The following FER variants were observed in gnomAD, a reference collection of about 807,000 sequenced individuals.
The protein encoded by FER is tyrosine-protein kinase Fer.
In FER, 63 loss-of-function variants were observed where a neutral mutation model predicts 111.0. That is an observed-to-expected ratio of 0.57 (90% CI 0.46 to 0.70). FER has a LOEUF of 0.70. FER is among the 30% of genes least tolerant of loss of function. The pLI is 0.00. For missense variants in FER, 914 were observed against 954.0 expected, an observed-to-expected ratio of 0.96 and a Z score of 0.55; for synonymous variants, 327 against 313.9, an observed-to-expected ratio of 1.04 and a Z score of -0.44.
intron 16 of FER, among the ~76,000 whole-genome samples, chr5:109,099,318 T>C (rs1747920585): frequency 6.6e-6 from 1 of 151,576 alleles, no homozygotes; most frequent in African/African-American, 2.4e-5. Flanking sequence ...GCTCTTAAAA[T>C]GTGGCTAGTG....
At chr5:109,175,372 T>A (rs1013256418) in intron 17 of FER, among the ~76,000 whole-genome samples, 2 of 152,138 alleles carry the variant, frequency 1.3e-5, no homozygotes, top group South Asian at 2.1e-4. Flanking sequence ...AAACTAAAGC[T>A]AAGAGTAAGT....
At chr5:108,921,390 C>T (rs907257313) in intron 10 of FER, among the ~76,000 whole-genome samples, 1 of 152,056 alleles carries the variant, frequency 6.6e-6, no homozygotes, top group Non-Finnish European at 1.5e-5. Context: ...ATAATCCCTG[C>T]TTGTTCCTTA....
intron 17 of FER, among the ~76,000 whole-genome samples, chr5:109,103,223 C>A (rs1748467972): frequency 6.6e-6 from 1 of 152,052 alleles, no homozygotes; most frequent in Non-Finnish European, 1.5e-5. Context: ...CCAGCAAATT[C>A]TAGCAAAAAT....
At chr5:109,094,924 A>G (rs564198838) in intron 16 of FER, among the ~76,000 whole-genome samples, 1 of 152,280 alleles carries the variant, frequency 6.6e-6, no homozygotes, top group South Asian at 2.1e-4. Flanking sequence ...AAAGTTGACT[A>G]TGGCATCTCT....
chr5:108,891,528 T>A (rs1748049458), intron 9 of FER: 1 of 151,980 alleles, frequency 6.6e-6, no homozygotes, highest in Non-Finnish European at 1.5e-5. Flanking sequence ...TTCTCACTAC[T>A]GCACTTGACT....
intron 13 of FER, among the ~76,000 whole-genome samples, chr5:109,010,303 G>A (rs184939391): frequency 0.031 from 4,717 of 151,952 alleles, 100 homozygotes; most frequent in Non-Finnish European, 0.041. Context: ...GACTACAGGC[G>A]CCCGCCACCA....
chr5:108,957,084 C>T (rs1468001920), intron 12 of FER, among the ~76,000 whole-genome samples: 2 of 151,502 alleles, frequency 1.3e-5, no homozygotes, highest in Admixed American at 1.3e-4. Context: ...GGCTTTCAGT[C>T]CTAGCTCTGT....
chr5:108,884,811 A>G (rs1746852623), intron 9 of FER, among the ~76,000 whole-genome samples: 1 of 151,976 alleles, frequency 6.6e-6, no homozygotes, highest in African/African-American at 2.4e-5. Flanking sequence ...TTAGTTTTCA[A>G]AGTCTGGCTT....
chr5:108,853,993 A>G (rs1056195727), intron 5 of FER, among the ~76,000 whole-genome samples: 29 of 152,184 alleles, frequency 1.9e-4, no homozygotes, highest in Non-Finnish European at 3.7e-4. Flanking sequence ...CCTGGTTGGT[A>G]GCAAAAGAAG....
Position 108,884,302 on chromosome 5 carries a change from C to A in FER, c.1046+784C>A, listed in dbSNP as rs192418541. ...ATTTCTGCACAACTTTTCATATATCCTCCACTTATTTCAGATCTCTGATTA... is the reference window on the plus strand; with the variant it reads ...ATTTCTGCACAACTTTTCATATATCATCCACTTATTTCAGATCTCTGATTA... On this transcript the variant is annotated intron_variant, in intron 9 of 19. Transcript: ENST00000281092. Among the ~76,000 whole-genome samples, 63 of 152,022 alleles carry A rather than the reference C, an allele frequency of 4.1e-4. 1 individual carries two copies. The highest frequency in any genetic ancestry group is 3.2e-3 in the Admixed American group (48 of 15,204).
intron 16 of FER, among the ~76,000 whole-genome samples, chr5:109,055,611 C>A (rs1773516530): frequency 6.6e-6 from 1 of 151,710 alleles, no homozygotes. Flanking sequence ...GTAGTGAGAT[C>A]CTGTCTCTAT....
chr5:109,047,073 A>T, intron 15 of FER, 31 bp from the exon 16 acceptor site: 2 of 1,125,758 alleles, frequency 1.8e-6, no homozygotes, highest in Non-Finnish European at 2.6e-6. Flanking sequence ...TATTCAAATG[A>T]TAACTATTCG....
intron 14 of FER, among the ~76,000 whole-genome samples, chr5:109,040,986 A>C (rs1039107403): frequency 6.6e-6 from 1 of 152,130 alleles, no homozygotes; most frequent in Non-Finnish European, 1.5e-5. Context: ...TCAATTCTTG[A>C]AATGAAGTAG....
intron 13 of FER, among the ~76,000 whole-genome samples, chr5:109,005,973 C>T (rs2149792017): frequency 6.6e-6 from 1 of 152,324 alleles, no homozygotes; most frequent in African/African-American, 2.4e-5. Flanking sequence ...AGGAATTGTA[C>T]ATTTTTAAAA....
At position 109,186,179 on chromosome 5, in the gene FER, T is replaced by A. The variant is rs753203100; in HGVS notation, c.2204-21T>A. On this transcript the variant is annotated intron_variant, in intron 18 of 19. Transcript: ENST00000281092. The stretch of plus-strand genomic sequence containing the variant: ...TTGTCTACTGTGCCTCATGTGGTTA[T>A]GGTTGTTGTTCCTCTTCCAGGGAGA... The A allele has an allele frequency of 3.7e-6, 6 of 1,613,974 alleles. No homozygotes were observed. The African/African-American group carries it at 5.3e-5, about 14-fold the overall frequency.
intron 17 of FER, among the ~76,000 whole-genome samples, chr5:109,155,015 A>G (rs1755216881): frequency 6.6e-6 from 1 of 151,874 alleles, no homozygotes; most frequent in African/African-American, 2.4e-5. Context: ...TAACTCTATC[A>G]TCTCGATATG....
At chr5:109,036,309 TA>T (rs1199855174) in intron 13 of FER, among the ~76,000 whole-genome samples, 1 of 152,126 alleles carries the variant, frequency 6.6e-6, no homozygotes, top group African/African-American at 2.4e-5. Context: ...AAACTATGCA[TA>T]AAAACTATTG....
intron 10 of FER, among the ~76,000 whole-genome samples, chr5:108,944,498 G>A (rs1045544821): frequency 3.9e-5 from 6 of 152,148 alleles, no homozygotes; most frequent in Admixed American, 2.6e-4. Context: ...GCAAACTTAG[G>A]CATTGTATTC....
chr5:108,924,641 T>C, intron 10 of FER: 4 of 1,231,880 alleles, frequency 3.2e-6, no homozygotes, highest in Non-Finnish European at 4.0e-6. Context: ...ACTGTCACTA[T>C]CTCTTAGCTA....
Sources: gnomAD v4.1 joint callset for allele counts (sites outside exome capture counted in the v4.1 genomes callset) on GRCh38, gnomAD v4.1.1 for gene constraint, MANE v1.5 for transcripts, NCBI Gene and HGNC (gene_info 2026-07-23, HGNC 2026-07-21) for gene names.